The following MYO18B variants were observed in gnomAD, a reference collection of about 807,000 sequenced individuals.
MYO18B encodes the protein myosin XVIIIB.
Under a neutral mutation model 273.0 loss-of-function variants are expected in MYO18B, and 204 were observed. That is an observed-to-expected ratio of 0.75 (90% CI 0.67 to 0.84). The LOEUF (loss-of-function observed/expected upper bound fraction) is 0.84, where lower values mean the gene tolerates loss of function less well. Ranked by LOEUF, MYO18B falls within the 40% of genes least tolerant of loss-of-function variation. The pLI, the probability that MYO18B is intolerant of heterozygous loss-of-function variation, is 0.00. For missense variants in MYO18B, 3,212 were observed against 3,287.6 expected (o/e 0.98, Z 0.56); for synonymous variants, 1,330 against 1,305.7 (o/e 1.02, Z -0.40).
intron 12 of MYO18B, among the ~76,000 whole-genome samples, chr22:25,801,401 G>A (rs1438826946): frequency 6.6e-6 from 1 of 152,138 alleles, no homozygotes; most frequent in Non-Finnish European, 1.5e-5. Context: ...AACTTAATGG[G>A]CAAGAGTCAG....
At chr22:26,056,984 G>A in the MYO18B span, among the ~76,000 whole-genome samples, 2 of 152,100 alleles carry the variant, frequency 1.3e-5, no homozygotes, top group African/African-American at 4.8e-5. Context: ...ATCTCAGAAT[G>A]GCTTCACCTC....
intron 35 of MYO18B, among the ~76,000 whole-genome samples, chr22:25,947,487 TACACACACACACACACACACAC>T (rs57844236): frequency 1.3e-3 from 148 of 110,676 alleles, no homozygotes; most frequent in African/African-American, 4.6e-3. Flanking sequence ...TAATGCCTAA[TACACACACACACACACACACAC>T]ACACACACAC....
chr22:25,966,869 C>T lies in MYO18B; in HGVS notation c.6156+11505C>T, dbSNP rs545839921. The stretch of plus-strand genomic sequence containing the variant: ...TATCTCACATGGTGAATGTGCTTGT[C>T]TCAATTCAAGAGGTGTTACCATCTA... On this transcript the variant is annotated intron_variant, in intron 39 of 43. Coordinates refer to ENST00000335473, the MANE Select transcript of MYO18B (RefSeq NM_032608.7). Among the ~76,000 whole-genome samples the T allele has an allele frequency of 1.1e-4, 17 of 152,278 alleles. No homozygotes were observed. The South Asian group carries it at 3.3e-3, about 30-fold the overall frequency.
intron 25 of MYO18B, among the ~76,000 whole-genome samples, chr22:25,887,757 T>C (rs908405468): frequency 3.9e-5 from 6 of 152,162 alleles, no homozygotes; most frequent in East Asian, 1.9e-4. Context: ...GCACCTTGTC[T>C]CTGAGAAAAA....
At chr22:25,877,373 T>C (rs2091228817) in intron 24 of MYO18B, 1 of 152,216 alleles carries the variant, frequency 6.6e-6, no homozygotes, top group African/African-American at 2.4e-5. Context: ...AATGTGATGT[T>C]TTGATATATG....
intron 33 of MYO18B, among the ~76,000 whole-genome samples, chr22:25,912,204 A>G (rs2146393457): frequency 6.6e-6 from 1 of 152,336 alleles, no homozygotes. Flanking sequence ...CAAGAGTAAG[A>G]GTTGGAAGCT....
At chr22:25,874,236 A>C in intron 22 of MYO18B, 50 bp from the exon 23 acceptor site, 4 of 1,606,912 alleles carry the variant, frequency 2.5e-6, no homozygotes, top group East Asian at 2.2e-5. Context: ...CCCCCATTGT[A>C]GACAGCCTTC....
At chr22:25,957,912 CTTTTTTT>C (rs1330432024) in intron 39 of MYO18B, among the ~76,000 whole-genome samples, 3 of 128,908 alleles carry the variant, frequency 2.3e-5, no homozygotes, top group Non-Finnish European at 5.0e-5. Flanking sequence ...AACGCTTTTG[CTTTTTTT>C]TTTTTTTTTT....
At chr22:25,860,959 G>A (rs1198456130) in intron 21 of MYO18B, among the ~76,000 whole-genome samples, 1 of 151,784 alleles carries the variant, frequency 6.6e-6, no homozygotes, top group Non-Finnish European at 1.5e-5. Context: ...CACGATTATG[G>A]CTCACTGCAG....
chr22:25,972,958 G>GAAAAAA (rs66647025), intron 39 of MYO18B, among the ~76,000 whole-genome samples: 4 of 80,640 alleles, frequency 5.0e-5, no homozygotes, highest in Admixed American at 1.5e-4. Flanking sequence ...TGTCTCAAAG[G>GAAAAAA]AAAAAAAAAA....
intron 39 of MYO18B, among the ~76,000 whole-genome samples, chr22:25,975,575 A>G (rs1180259500): frequency 2.0e-5 from 3 of 152,232 alleles, no homozygotes; most frequent in Admixed American, 6.5e-5. Flanking sequence ...TTAACAAAAG[A>G]GGCTTACAAG....
At chr22:25,930,614 G>A (rs1225488449) in intron 34 of MYO18B, among the ~76,000 whole-genome samples, 1 of 151,472 alleles carries the variant, frequency 6.6e-6, no homozygotes, top group African/African-American at 2.4e-5. Flanking sequence ...GCAGAATACA[G>A]GCATGCACCA....
At chr22:26,055,752 TA>T in the MYO18B span, among the ~76,000 whole-genome samples, 1 of 152,244 alleles carries the variant, frequency 6.6e-6, no homozygotes, top group East Asian at 1.9e-4. Context: ...GTGATTTTTT[TA>T]AAAGAGAGAG....
rs112440913 is a variant in MYO18B at position 25,803,403 on chromosome 22, G to GTT, written c.2521+5315_2521+5316dup. 1.4e-4 allele frequency among the ~76,000 whole-genome samples: 21 copies of GTT among 150,034 alleles called. No homozygotes were observed. The South Asian group carries it at 2.5e-3, about 18-fold the overall frequency. ...CCACATTTTGTTTACCCATGGACCAGTTTTTTTTTTCTTTTATTCTTCCTG... is the reference window on the plus strand; with the variant it reads ...CCACATTTTGTTTACCCATGGACCAGTTTTTTTTTTTTCTTTTATTCTTCCTG... On this transcript the variant is annotated intron_variant, in intron 12 of 43. Coordinates refer to ENST00000335473, the MANE Select transcript of MYO18B (RefSeq NM_032608.7).
Position 25,780,179 on chromosome 22 carries a change from T to A in MYO18B, c.2192T>A (p.Ile731Asn), listed in dbSNP as rs1171952306. The A allele has an allele frequency of 1.2e-6, 2 of 1,605,298 alleles. No homozygotes were observed. The highest frequency in any genetic ancestry group is 1.7e-6 in the Non-Finnish European group (2 of 1,177,130). The change falls in exon 9 of 44, where the codon ATC becomes AAC. Residue 731 changes from isoleucine (I) to asparagine (N), a missense_variant. Coordinates refer to ENST00000335473, the MANE Select transcript of MYO18B (RefSeq NM_032608.7). The part of the protein sequence containing the change: ...MSLDFNATGR[I>N]TAAQLQTMLL... The stretch of plus-strand genomic sequence containing the variant: ...CTGGACTTCAACGCTACAGGCCGCA[T>A]CACAGCTGCTCAGCTCCAGGTGAGG...
chr22:25,857,147 A>G (rs932251283), intron 21 of MYO18B, among the ~76,000 whole-genome samples: 2 of 152,174 alleles, frequency 1.3e-5, no homozygotes, highest in Non-Finnish European at 2.9e-5. Flanking sequence ...CAAAGCCTAC[A>G]TAGAGTGAAT....
chr22:25,957,036 C>T (rs530015790), intron 39 of MYO18B, among the ~76,000 whole-genome samples: 18 of 152,214 alleles, frequency 1.2e-4, no homozygotes, highest in African/African-American at 4.1e-4. Context: ...ACACCCATGG[C>T]CCTGGGAGAG....
intron 10 of MYO18B, among the ~76,000 whole-genome samples, chr22:25,785,085 G>T (rs115883693): frequency 0.013 from 1,905 of 152,310 alleles, 25 homozygotes; most frequent in African/African-American, 0.043. Flanking sequence ...TTAGCATGCA[G>T]TAAGGGCTCG....
chr22:25,763,457 T>G, intron 3 of MYO18B, 68 bp downstream of exon 3: 1 of 1,524,580 alleles, frequency 6.6e-7, no homozygotes, highest in Admixed American at 2.4e-5. Flanking sequence ...GTGAGCTTCC[T>G]CTGAGTCATT....
Sources: gnomAD v4.1 joint callset for allele counts (sites outside exome capture counted in the v4.1 genomes callset) on GRCh38, gnomAD v4.1.1 for gene constraint, MANE v1.5 for transcripts, NCBI Gene and HGNC (gene_info 2026-07-23, HGNC 2026-07-21) for gene names.